PAK2: variants seen among roughly 807,000 people sequenced by gnomAD.
PAK2 encodes p21 (RAC1) activated kinase 2.
Under a neutral mutation model 65.9 loss-of-function variants are expected in PAK2, and 21 were observed. That is an observed-to-expected ratio of 0.32 (90% confidence interval 0.23 to 0.46). PAK2 has a LOEUF of 0.46. Among genes scored for constraint, PAK2 ranks in the 20% least tolerant of loss-of-function variants. The probability of loss-of-function intolerance (pLI) is 1.00; values close to 1 mark genes in which losing one functional copy is unlikely to be tolerated. For synonymous variants in PAK2, 204 were observed against 219.7 expected, an observed-to-expected ratio of 0.93 and a Z score of 0.63; for missense variants, 324 against 642.6, an observed-to-expected ratio of 0.50 and a Z score of 5.36.
chr3:196,745,756 A>G (rs1325324044), intron 1 of PAK2, among the ~76,000 whole-genome samples: 1 of 151,296 alleles, frequency 6.6e-6, no homozygotes, highest in African/African-American at 2.4e-5. Context: ...GGAGGTTGCA[A>G]TGACCTGAGA....
At chr3:196,748,165 T>A (rs1713452930) in intron 1 of PAK2, among the ~76,000 whole-genome samples, 1 of 152,208 alleles carries the variant, frequency 6.6e-6, no homozygotes, top group Non-Finnish European at 1.5e-5. Flanking sequence ...TTATTCATTT[T>A]AATTAATAGA....
chr3:196,778,849 G>A (rs1714619232), intron 1 of PAK2, among the ~76,000 whole-genome samples: 1 of 152,210 alleles, frequency 6.6e-6, no homozygotes, highest in African/African-American at 2.4e-5. Flanking sequence ...GGTTTGTCTG[G>A]TGTTTTTCTC....
chr3:196,762,407 A>G (rs1165166523), intron 1 of PAK2, among the ~76,000 whole-genome samples: 3 of 137,806 alleles, frequency 2.2e-5, no homozygotes, highest in African/African-American at 8.0e-5. Flanking sequence ...CCTGGGCACC[A>G]TTGAGCACTG....
intron 1 of PAK2, among the ~76,000 whole-genome samples, chr3:196,779,684 T>C (rs1018035516): frequency 6.6e-6 from 1 of 152,208 alleles, no homozygotes; most frequent in Non-Finnish European, 1.5e-5. Flanking sequence ...TTTTTTGTTT[T>C]GTTTTTGAGA....
At chr3:196,765,006 A>G (rs565291331) in intron 1 of PAK2, among the ~76,000 whole-genome samples, 3 of 147,064 alleles carry the variant, frequency 2.0e-5, no homozygotes, top group East Asian at 4.2e-4. Flanking sequence ...CACCACGCCC[A>G]GCTAATTTTT....
intron 13 of PAK2, among the ~76,000 whole-genome samples, chr3:196,823,617 G>A (rs1364306710): frequency 6.6e-6 from 1 of 151,716 alleles, no homozygotes; most frequent in Non-Finnish European, 1.5e-5. Context: ...TGTAATCTCA[G>A]CACTTTGGGA....
intron 2 of PAK2, among the ~76,000 whole-genome samples, chr3:196,801,330 T>TC (rs1163067705): frequency 6.6e-6 from 1 of 152,156 alleles, no homozygotes; most frequent in African/African-American, 2.4e-5. Flanking sequence ...GGGTGTCTCT[T>TC]CTGCCTGTGC....
At position 196,815,097 on chromosome 3, in the gene PAK2, G is replaced by A. The variant is rs547169469; in HGVS notation, c.1053+529G>A. On this transcript the variant is annotated intron_variant, in intron 11 of 14. Transcript: ENST00000327134. Reference sequence around the variant, plus strand: ...CAGGAGGCTGAAGCAGGAGAATGGCGTGAACCTGGGAGGTGGAGCTTGCAG... The same window carrying A: ...CAGGAGGCTGAAGCAGGAGAATGGCATGAACCTGGGAGGTGGAGCTTGCAG... Among the ~76,000 whole-genome samples the A allele has an allele frequency of 7.9e-5, 12 of 151,898 alleles. No homozygotes were observed. The South Asian group carries it at 1.9e-3, about 24-fold the overall frequency.
intron 2 of PAK2, among the ~76,000 whole-genome samples, chr3:196,793,942 T>C (rs193053462): frequency 1.1e-4 from 17 of 151,904 alleles, no homozygotes; most frequent in Admixed American, 9.8e-4. Flanking sequence ...ACCAGCCTGG[T>C]CAACATGGTG....
chr3:196,751,667 T>TTATATAAATA (rs1713593282), intron 1 of PAK2, among the ~76,000 whole-genome samples: 1 of 45,108 alleles, frequency 2.2e-5, no homozygotes, highest in African/African-American at 1.0e-4. Context: ...ACAAATTTAT[T>TTATATAAATA]TATATACATA....
Position 196,828,758 on chromosome 3 carries a change from C to T in PAK2, c.*353C>T. 9.9e-6 allele frequency: 2 copies of T among 201,536 alleles called. No individual in the cohort carries two copies. Among genetic ancestry groups the T allele is most frequent in the Non-Finnish European group, 2.0e-5 (2 of 100,560 alleles). 12.5% of individuals were successfully genotyped at this position (201,536 alleles called of 1,614,324 possible). A position where few individuals can be genotyped will look rare whatever the true frequency, so the allele number is the denominator to read the frequency against. ...TGTCCCCTTTGGGGTATTTCCAATA[C>T]TTGAATGGCAGATTGGAGTTTTTCA... is the stretch of plus-strand genomic sequence containing the variant. On this transcript the variant is annotated 3_prime_UTR_variant, in exon 15 of 15. Coordinates refer to ENST00000327134, the MANE Select transcript of PAK2 (RefSeq NM_002577.4).
chr3:196,815,688 G>A (rs141552896), intron 11 of PAK2, among the ~76,000 whole-genome samples: 2,776 of 151,936 alleles, frequency 0.018, 78 homozygotes, highest in African/African-American at 0.056. Context: ...TCGGGAGGCT[G>A]AGACGGGAGA....
Position 196,741,063 on chromosome 3 carries a change from T to G in PAK2, c.-22+906T>G, listed in dbSNP as rs1713175877. On this transcript the variant is annotated intron_variant, in intron 1 of 14. Transcript: ENST00000327134. ...ACGAACTCCGGTTGATATCATTATC[T>G]CACTTCTGCGTTACAGGCGATGTGT... is the stretch of plus-strand genomic sequence containing the variant. Among the ~76,000 whole-genome samples the G allele has an allele frequency of 5.3e-5, 8 of 152,210 alleles. No individual in the cohort carries two copies. The South Asian group carries it at 1.7e-3, about 32-fold the overall frequency.
chr3:196,775,468 C>T (rs111832067), intron 1 of PAK2, among the ~76,000 whole-genome samples: 3,190 of 151,930 alleles, frequency 0.021, 58 homozygotes, highest in Middle Eastern at 0.068. Context: ...CTGCAAGCTC[C>T]GCCTCCCGGG....
At chr3:196,800,600 G>A (rs1417030600) in intron 2 of PAK2, among the ~76,000 whole-genome samples, 1 of 152,060 alleles carries the variant, frequency 6.6e-6, no homozygotes, top group African/African-American at 2.4e-5. Flanking sequence ...TTACAAAATG[G>A]CAATAAAATA....
At chr3:196,826,194 C>T (rs548194748) in intron 13 of PAK2, among the ~76,000 whole-genome samples, 46 of 151,034 alleles carry the variant, frequency 3.0e-4, no homozygotes, top group African/African-American at 1.0e-3. Context: ...ATTTTTGGGA[C>T]GGAGTCTCGC....
chr3:196,753,724 C>A (rs843529), intron 1 of PAK2, among the ~76,000 whole-genome samples: 1 of 151,872 alleles, frequency 6.6e-6, no homozygotes, highest in African/African-American at 2.4e-5. Flanking sequence ...TGATGTTGTT[C>A]TATCGCCTTG....
intron 2 of PAK2, among the ~76,000 whole-genome samples, chr3:196,794,096 A>G (rs1715165784): frequency 6.6e-6 from 1 of 152,202 alleles, no homozygotes; most frequent in South Asian, 2.1e-4. Context: ...GCGCCATTGC[A>G]CTCCAGCCTG....
chr3:196,802,326 C>T (rs776826365), intron 3 of PAK2, among the ~76,000 whole-genome samples: 3 of 151,856 alleles, frequency 2.0e-5, no homozygotes, highest in Non-Finnish European at 2.9e-5. Context: ...ATTTGAACCT[C>T]GGAGATGGAG....
Sources: allele counts gnomAD v4.1 joint callset (sites outside exome capture counted in the v4.1 genomes callset), GRCh38; gene constraint gnomAD v4.1.1; transcripts MANE v1.5; gene names NCBI Gene and HGNC (gene_info 2026-07-23, HGNC 2026-07-21).